The following WDR45B variants were observed in gnomAD, a reference collection of about 807,000 sequenced individuals.
WDR45B encodes the protein WD repeat domain phosphoinositide-interacting protein 3.
Under a neutral mutation model 44.6 loss-of-function variants are expected in WDR45B, and 20 were observed. That is an observed-to-expected ratio of 0.45 (90% CI 0.32 to 0.65). WDR45B has a LOEUF of 0.65. Ranked by LOEUF, WDR45B falls within the 30% of genes least tolerant of loss-of-function variation. The pLI, the probability that WDR45B is intolerant of heterozygous loss-of-function variation, is 0.05. For synonymous variants in WDR45B, 169 were observed against 164.9 expected, an observed-to-expected ratio of 1.02 and a Z score of -0.19; for missense variants, 323 against 430.2, an observed-to-expected ratio of 0.75 and a Z score of 2.20.
chr17:82,633,850 A>T (rs568267501), intron 2 of WDR45B, among the ~76,000 whole-genome samples: 1 of 152,238 alleles, frequency 6.6e-6, no homozygotes, highest in East Asian at 1.9e-4. Context: ...CGCTCCCTCA[A>T]TTAAAAAATA....
chr17:82,619,712 G>C (rs532064508), intron 6 of WDR45B, among the ~76,000 whole-genome samples: 167 of 152,324 alleles, frequency 1.1e-3, no homozygotes, highest in Non-Finnish European at 2.2e-3. Context: ...GGGAAAACGA[G>C]AACTGCTGCA....
chr17:82,641,947 G>GA lies in WDR45B; in HGVS notation c.142+2001dup, dbSNP rs908119663. Among the ~76,000 whole-genome samples the GA allele has an allele frequency of 7.3e-5, 10 of 137,414 alleles. No individual in the cohort carries two copies. In the East Asian group the frequency reaches 1.2e-3, roughly 17 times the overall value. The allele number at this position is 137,414 out of a possible 152,430, so 90.1% of individuals were successfully genotyped here. ...GAGGTATTTTCTGTAACACATGTGGGAAAAAAGAGAAAAAAAAAATCAAAG... is the reference window on the plus strand; with the variant it reads ...GAGGTATTTTCTGTAACACATGTGGGAAAAAAAGAGAAAAAAAAAATCAAAG... On this transcript the variant is annotated intron_variant, in intron 2 of 9. Coordinates refer to ENST00000392325, the MANE Select transcript of WDR45B (RefSeq NM_019613.4).
intron 2 of WDR45B, chr17:82,636,403 A>T (rs1437182044): frequency 6.6e-6 from 1 of 152,040 alleles, no homozygotes; most frequent in Non-Finnish European, 1.5e-5. Context: ...AGGAGAGTTA[A>T]GGCCTTTCCT....
At position 82,648,400 on chromosome 17, in the gene WDR45B, G is replaced by A. The variant is rs532193480; in HGVS notation, c.-60C>T. 4.2e-5 allele frequency: 66 copies of A among 1,577,544 alleles called. No homozygotes were observed. The African/African-American group carries it at 8.0e-4, about 19-fold the overall frequency. On this transcript the variant is annotated 5_prime_UTR_variant, in exon 1 of 10. Coordinates refer to ENST00000392325, the MANE Select transcript of WDR45B (RefSeq NM_019613.4). ...TGCATGCCTCTCGCTGGGGACGGCG[G>A]CCTGGTCCCTTCGGGCCGGCGCTGA...
rs952000404 is a variant in WDR45B, at chr17:82,641,846, C to T, written c.142+2103G>A. On this transcript the variant is annotated intron_variant, in intron 2 of 9. Coordinates refer to ENST00000392325, the MANE Select transcript of WDR45B (RefSeq NM_019613.4). ...CCGGGAGGCGGAGCTTGCAGTGAGC[C>T]GAGATCACACCACTGCACTCCAGCC... 6.6e-5 allele frequency among the ~76,000 whole-genome samples: 10 copies of T among 151,126 alleles called. No homozygotes were observed. The South Asian group carries it at 1.0e-3, about 16-fold the overall frequency.
intron 3 of WDR45B, among the ~76,000 whole-genome samples, chr17:82,628,574 G>GAA (rs140617002): frequency 1.3e-4 from 19 of 150,022 alleles, no homozygotes; most frequent in Admixed American, 8.6e-4. Context: ...TCCCATTTCT[G>GAA]AAAAAAAAAG....
At chr17:82,624,427 A>G (rs1190030140) in intron 5 of WDR45B, among the ~76,000 whole-genome samples, 2 of 151,828 alleles carry the variant, frequency 1.3e-5, no homozygotes, top group African/African-American at 4.8e-5. Context: ...ACATCCAGCT[A>G]AGTTTTGTAT....
chr17:82,636,807 G>A (rs62079709), intron 2 of WDR45B, among the ~76,000 whole-genome samples: 2,835 of 152,016 alleles, frequency 0.019, 45 homozygotes, highest in Middle Eastern at 0.037. Flanking sequence ...ACTCACACCT[G>A]TTCCCTTGGT....
At chr17:82,619,171 C>G (rs2045579719) in intron 6 of WDR45B, 43 bp from the exon 7 acceptor site, 1 of 1,594,048 alleles carries the variant, frequency 6.3e-7, no homozygotes. Flanking sequence ...AGATTCAAAA[C>G]TTTTTCGTTA....
intron 2 of WDR45B, among the ~76,000 whole-genome samples, chr17:82,641,569 G>A (rs1479318473): frequency 6.6e-6 from 1 of 152,172 alleles, no homozygotes; most frequent in Non-Finnish European, 1.5e-5. Context: ...CACACTAGGA[G>A]AAGCAATGCA....
At chr17:82,643,844 C>T in intron 2 of WDR45B, 105 bp downstream of exon 2, 10 of 1,120,432 alleles carry the variant, frequency 8.9e-6, no homozygotes, top group Middle Eastern at 1.9e-4. Flanking sequence ...ACCCTATTTA[C>T]TTCTCGAAAA....
chr17:82,616,682 T>C (rs1351412249), intron 8 of WDR45B, 37 bp from the exon 9 acceptor site: 1 of 1,613,556 alleles, frequency 6.2e-7, no homozygotes, highest in East Asian at 2.2e-5. Flanking sequence ...GTTCAAAGTT[T>C]ACAGGAAAAA....
chr17:82,630,770 C>G (rs1426502893), intron 3 of WDR45B, 151 bp downstream of exon 3: 1 of 791,186 alleles, frequency 1.3e-6, no homozygotes, highest in Non-Finnish European at 2.3e-6. Context: ...AGACCTGGTG[C>G]CCTCTTCGCC....
intron 1 of WDR45B, among the ~76,000 whole-genome samples, chr17:82,647,820 G>C (rs562078716): frequency 6.6e-6 from 1 of 152,048 alleles, no homozygotes; most frequent in South Asian, 2.1e-4. Context: ...GACCCTGAAA[G>C]GAACAGGGGG....
Position 82,621,585 on chromosome 17 carries a change from C to T in WDR45B, c.618+24G>A, listed in dbSNP as rs1319671736. The T allele has an allele frequency of 6.8e-6, 11 of 1,613,740 alleles. No individual in the cohort carries two copies. In the Admixed American group the frequency reaches 1.0e-4, roughly 15 times the overall value. On this transcript the variant is annotated intron_variant, in intron 6 of 9. Transcript: ENST00000392325. ...CCTGCTGCTCCAGGAGGCACAACAC[C>T]AACAAGGTGAGTGGCACACTTACTT...
chr17:82,642,119 C>T (rs1011450938), intron 2 of WDR45B, among the ~76,000 whole-genome samples: 3 of 152,116 alleles, frequency 2.0e-5, no homozygotes, highest in African/African-American at 7.2e-5. Context: ...TGCTTGCCCT[C>T]ATCTGTATTC....
chr17:82,625,666 C>T lies in WDR45B; in HGVS notation c.333-183G>A, dbSNP rs967981188. On this transcript the variant is annotated intron_variant, in intron 4 of 9. Transcript: ENST00000392325. The stretch of plus-strand genomic sequence containing the variant: ...CCAGGCCTGGAGCTCGGCGAGTGCA[C>T]GTGGGCTGGCTCTGCTGAGGGAGTG... 1.6e-5 allele frequency: 10 copies of T among 627,742 alleles called. 1 individual carries two copies. Among genetic ancestry groups the T allele is most frequent in the South Asian group, 6.9e-5 (4 of 57,872 alleles). The allele number at this position is 627,742 out of a possible 1,614,324, so 38.9% of individuals were successfully genotyped here.
At chr17:82,623,979 G>A (rs1267727527) in intron 5 of WDR45B, among the ~76,000 whole-genome samples, 2 of 151,966 alleles carry the variant, frequency 1.3e-5, no homozygotes, top group African/African-American at 4.8e-5. Context: ...AGGGGACACA[G>A]CCACTCTGGA....
intron 3 of WDR45B, chr17:82,629,862 A>C: frequency 1.0e-6 from 1 of 984,964 alleles, no homozygotes; most frequent in Non-Finnish European, 1.2e-6. Context: ...CCCAGATCCT[A>C]GTTCACCCAC....
Sources: gnomAD v4.1 joint callset for allele counts (sites outside exome capture counted in the v4.1 genomes callset) on GRCh38, gnomAD v4.1.1 for gene constraint, MANE v1.5 for transcripts, NCBI Gene and HGNC (gene_info 2026-07-23, HGNC 2026-07-21) for gene names.